ATAD1: variants seen among roughly 807,000 people sequenced by gnomAD.
ATAD1 encodes the protein outer mitochondrial transmembrane helix translocase.
In ATAD1, 18 loss-of-function variants were observed where a neutral mutation model predicts 42.7. The ratio of observed to expected loss-of-function variants is 0.42; its 90% CI spans 0.29 to 0.63. The LOEUF (loss-of-function observed/expected upper bound fraction) is 0.63. Ranked by LOEUF, ATAD1 falls within the 20% of genes least tolerant of loss-of-function variation. The pLI is 0.19. For synonymous variants in ATAD1, 132 were observed against 143.1 expected, an observed-to-expected ratio of 0.92 and a Z score of 0.55; for missense variants, 294 against 440.4, an observed-to-expected ratio of 0.67 and a Z score of 2.98.
chr10:87,773,166 T>A (rs1855131945), intron 6 of ATAD1, among the ~76,000 whole-genome samples: 1 of 151,990 alleles, frequency 6.6e-6, no homozygotes. Context: ...AATAAAAGTT[T>A]AAAAAAAACT....
chr10:87,766,409 T>C (rs947233467), intron 8 of ATAD1, among the ~76,000 whole-genome samples: 3 of 152,100 alleles, frequency 2.0e-5, no homozygotes, highest in Admixed American at 6.6e-5. Flanking sequence ...TGGAATCCTA[T>C]GTAGTGTAAA....
chr10:87,753,990 C>T lies in ATAD1; in HGVS notation c.*697G>A, dbSNP rs1854114918. On this transcript the variant is annotated 3_prime_UTR_variant, in exon 10 of 10. Transcript: ENST00000680024. ...TGCCTAACAACCATTCAATGCTGATCACTGAACTAGTATTTTCATTTGATT... is the reference window on the plus strand; with the variant it reads ...TGCCTAACAACCATTCAATGCTGATTACTGAACTAGTATTTTCATTTGATT... 6.6e-6 allele frequency: 1 copy of T among 152,202 alleles called. No homozygotes were observed. The highest frequency in any genetic ancestry group is 2.4e-5 in the African/African-American group (1 of 41,426). 9.4% of individuals were successfully genotyped at this position (152,202 alleles called of 1,614,324 possible). A position where few individuals can be genotyped will look rare whatever the true frequency, so the allele number is the denominator to read the frequency against.
At chr10:87,796,382 C>T (rs2131963150) in intron 2 of ATAD1, among the ~76,000 whole-genome samples, 1 of 152,314 alleles carries the variant, frequency 6.6e-6, no homozygotes, top group Admixed American at 6.5e-5. Context: ...TTACTGCCTC[C>T]TTTAGAGAAG....
At chr10:87,765,220 C>A (rs1854683583) in intron 8 of ATAD1, among the ~76,000 whole-genome samples, 2 of 152,022 alleles carry the variant, frequency 1.3e-5, no homozygotes, top group African/African-American at 4.8e-5. Flanking sequence ...CATAAAAATA[C>A]AAGTATTTTG....
At chr10:87,760,787 A>G (rs1354872760) in intron 8 of ATAD1, among the ~76,000 whole-genome samples, 3 of 152,204 alleles carry the variant, frequency 2.0e-5, no homozygotes, top group African/African-American at 7.2e-5. Flanking sequence ...TATTGCTGCT[A>G]TATCATACAA....
At chr10:87,835,372 A>G (rs1857912293) in intron 1 of ATAD1, among the ~76,000 whole-genome samples, 1 of 152,044 alleles carries the variant, frequency 6.6e-6, no homozygotes, top group Admixed American at 6.5e-5. Context: ...TCTCTTTTCA[A>G]TTCTATCAGG....
At chr10:87,783,467 G>C (rs1341642329) in intron 5 of ATAD1, among the ~76,000 whole-genome samples, 1 of 151,628 alleles carries the variant, frequency 6.6e-6, no homozygotes, top group Non-Finnish European at 1.5e-5. Context: ...GATGAGAAAA[G>C]ATACATAAAG....
intron 1 of ATAD1, among the ~76,000 whole-genome samples, chr10:87,831,500 A>G (rs1857828149): frequency 6.6e-6 from 1 of 151,900 alleles, no homozygotes; most frequent in South Asian, 2.1e-4. Flanking sequence ...TTCTCATCAC[A>G]ATTTAGGATC....
intron 8 of ATAD1, among the ~76,000 whole-genome samples, chr10:87,760,872 T>A (rs1854451359): frequency 6.6e-6 from 1 of 152,258 alleles, no homozygotes; most frequent in Non-Finnish European, 1.5e-5. Flanking sequence ...TTATAGGGTA[T>A]AAATTTTATC....
chr10:87,814,619 AAAAC>A lies in ATAD1; in HGVS notation c.-13-11_-13-8del, dbSNP rs1857332822. ...TACCATCTTGAATGTTAACCTTAAA[AAAAC>A]AAACAGAAATGTCACTAGGTAATAA... On this transcript the variant is annotated splice_polypyrimidine_tract_variant and splice_region_variant and intron_variant, in intron 1 of 9. Coordinates refer to ENST00000680024, the MANE Select transcript of ATAD1 (RefSeq NM_001321967.2). 2 of 1,580,650 alleles carry A rather than the reference AAAAC, an allele frequency of 1.3e-6. No homozygotes were observed. The highest frequency in any genetic ancestry group is 1.7e-6 in the Non-Finnish European group (2 of 1,165,526).
At chr10:87,760,454 C>A (rs1273424932) in intron 8 of ATAD1, among the ~76,000 whole-genome samples, 1 of 152,194 alleles carries the variant, frequency 6.6e-6, no homozygotes, top group African/African-American at 2.4e-5. Flanking sequence ...TGAGGCCTCC[C>A]AGCCATGCTT....
chr10:87,792,542 T>C (rs1761318236), intron 3 of ATAD1, 115 bp downstream of exon 3: 5 of 711,848 alleles, frequency 7.0e-6, no homozygotes, highest in East Asian at 5.3e-5. Flanking sequence ...CCGAGTCTTA[T>C]GATTCAGCCT....
At chr10:87,782,664 T>A (rs1365767964) in intron 5 of ATAD1, among the ~76,000 whole-genome samples, 2 of 151,926 alleles carry the variant, frequency 1.3e-5, no homozygotes, top group Non-Finnish European at 2.9e-5. Context: ...AAAAAGGGAA[T>A]AAAGCAAAAA....
chr10:87,780,689 T>C (rs372897123), intron 5 of ATAD1, among the ~76,000 whole-genome samples: 2 of 151,676 alleles, frequency 1.3e-5, no homozygotes, highest in Admixed American at 6.6e-5. Flanking sequence ...AACATAAGAG[T>C]TGGAAAACCT....
intron 5 of ATAD1, among the ~76,000 whole-genome samples, chr10:87,778,178 T>TA (rs377243162): frequency 0.064 from 5,647 of 88,726 alleles, 357 homozygotes; most frequent in African/African-American, 0.17. Context: ...TAGAATAAAT[T>TA]AAAAAAAAAA....
intron 2 of ATAD1, among the ~76,000 whole-genome samples, chr10:87,797,453 C>T (rs1164198009): frequency 6.6e-6 from 1 of 150,558 alleles, no homozygotes. Flanking sequence ...ATCTGTAGTA[C>T]CAAAAAATCT....
intron 7 of ATAD1, 136 bp downstream of exon 7, chr10:87,770,816 G>A (rs1854994440): frequency 1.6e-6 from 1 of 610,652 alleles, no homozygotes; most frequent in Non-Finnish European, 2.8e-6. Flanking sequence ...AGAAGCTACT[G>A]TCAGGGTTTC....
At chr10:87,778,101 TATAA>T (rs1462048719) in intron 5 of ATAD1, among the ~76,000 whole-genome samples, 1 of 150,066 alleles carries the variant, frequency 6.7e-6, no homozygotes, top group Non-Finnish European at 1.5e-5. Context: ...GCTAGATATG[TATAA>T]ATAATTACAT....
chr10:87,794,717 C>T (rs1856298556), intron 2 of ATAD1, among the ~76,000 whole-genome samples: 1 of 152,208 alleles, frequency 6.6e-6, no homozygotes, highest in Admixed American at 6.5e-5. Flanking sequence ...TCCCTATTAG[C>T]TAGTTGCCCT....
Sources: gnomAD v4.1 joint callset for allele counts (sites outside exome capture counted in the v4.1 genomes callset) on GRCh38, gnomAD v4.1.1 for gene constraint, MANE v1.5 for transcripts, NCBI Gene and HGNC (gene_info 2026-07-23, HGNC 2026-07-21) for gene names.